Variants in NOS1AP observed in about 807,000 individuals in gnomAD.
The protein encoded by NOS1AP is carboxyl-terminal PDZ ligand of neuronal nitric oxide synthase protein.
In NOS1AP, 21 loss-of-function variants were observed where a neutral mutation model predicts 56.2. That is an observed-to-expected ratio of 0.37 (90% CI 0.26 to 0.54). The LOEUF (loss-of-function observed/expected upper bound fraction) is 0.54, where lower values mean the gene tolerates loss of function less well. Ranked by LOEUF, NOS1AP falls within the 20% of genes least tolerant of loss-of-function variation. The probability of loss-of-function intolerance (pLI) is 0.84; values close to 1 mark genes in which losing one functional copy is unlikely to be tolerated. For synonymous variants in NOS1AP, 270 were observed against 274.6 expected, an observed-to-expected ratio of 0.98 and a Z score of 0.17; for missense variants, 522 against 657.8, an observed-to-expected ratio of 0.79 and a Z score of 2.26.
chr1:162,135,766 G>A (rs1648971958), intron 1 of NOS1AP, among the ~76,000 whole-genome samples: 1 of 152,134 alleles, frequency 6.6e-6, no homozygotes, highest in African/African-American at 2.4e-5. Flanking sequence ...AACATTAAAG[G>A]CCTCCATCTA....
At chr1:162,328,717 G>A (rs1196733369) in intron 4 of NOS1AP, among the ~76,000 whole-genome samples, 1 of 152,204 alleles carries the variant, frequency 6.6e-6, no homozygotes, top group Non-Finnish European at 1.5e-5. Flanking sequence ...CAGGGCCAGT[G>A]TTCTCAGCCA....
chr1:162,344,734 C>A (rs1571233541), intron 6 of NOS1AP, among the ~76,000 whole-genome samples: 2 of 147,004 alleles, frequency 1.4e-5, no homozygotes, highest in African/African-American at 2.5e-5. Flanking sequence ...AGGAAGGAGA[C>A]AATAAATGTG....
At chr1:162,266,852 T>C (rs544401302) in intron 2 of NOS1AP, among the ~76,000 whole-genome samples, 2 of 152,334 alleles carry the variant, frequency 1.3e-5, no homozygotes, top group Admixed American at 1.3e-4. Flanking sequence ...TTCTAGTCCA[T>C]AGAAATGACT....
intron 3 of NOS1AP, among the ~76,000 whole-genome samples, chr1:162,288,910 T>TCC (rs1189365750): frequency 6.6e-6 from 1 of 152,236 alleles, no homozygotes; most frequent in Non-Finnish European, 1.5e-5. Flanking sequence ...CACATGTATG[T>TCC]ACAGAGTGGA....
At chr1:162,259,827 A>G (rs1654152269) in intron 2 of NOS1AP, among the ~76,000 whole-genome samples, 1 of 152,210 alleles carries the variant, frequency 6.6e-6, no homozygotes, top group Non-Finnish European at 1.5e-5. Context: ...CATTATAGAA[A>G]GAAATTTGGC....
At chr1:162,226,434 C>T (rs539876185) in intron 2 of NOS1AP, among the ~76,000 whole-genome samples, 20 of 152,262 alleles carry the variant, frequency 1.3e-4, no homozygotes, top group Non-Finnish European at 2.2e-4. Flanking sequence ...TATTTACTTA[C>T]GTAGTATTTA....
intron 1 of NOS1AP, among the ~76,000 whole-genome samples, chr1:162,137,762 A>G (rs1186332797): frequency 6.6e-6 from 1 of 152,046 alleles, no homozygotes; most frequent in African/African-American, 2.4e-5. Flanking sequence ...GTACACACAC[A>G]CATGTAATTG....
At position 162,368,875 on chromosome 1, in the gene NOS1AP, T is replaced by G. The variant is rs1647269221; in HGVS notation, c.*1408T>G. 1 of 152,246 alleles carries G rather than the reference T, an allele frequency of 6.6e-6. No homozygotes were observed. Among genetic ancestry groups the G allele is most frequent in the Non-Finnish European group, 1.5e-5 (1 of 68,044 alleles). 9.4% of individuals were successfully genotyped at this position (152,246 alleles called of 1,614,324 possible). On this transcript the variant is annotated 3_prime_UTR_variant, in exon 10 of 10. Transcript: ENST00000361897. ...ATTGGAGGGTCAATCGGCAAGGATA[T>G]GATTATCCCAAAATGGAGTTCATCG...
intron 2 of NOS1AP, among the ~76,000 whole-genome samples, chr1:162,179,530 G>A (rs917291650): frequency 2.6e-5 from 4 of 152,212 alleles, no homozygotes; most frequent in African/African-American, 4.8e-5. Flanking sequence ...TTGGGAAGAC[G>A]GACCTGGAAA....
chr1:162,238,975 A>C (rs1375374452), intron 2 of NOS1AP, among the ~76,000 whole-genome samples: 1 of 152,216 alleles, frequency 6.6e-6, no homozygotes, highest in African/African-American at 2.4e-5. Flanking sequence ...TTGGTAAGTT[A>C]ATCTGTAGAC....
chr1:162,085,246 A>G (rs1255299004), intron 1 of NOS1AP, among the ~76,000 whole-genome samples: 1 of 151,938 alleles, frequency 6.6e-6, no homozygotes, highest in Non-Finnish European at 1.5e-5. Context: ...CATCTTTCAG[A>G]TTCTTCTCCT....
intron 1 of NOS1AP, among the ~76,000 whole-genome samples, chr1:162,087,533 C>G (rs1692029906): frequency 6.6e-6 from 1 of 152,132 alleles, no homozygotes. Context: ...TGGACTTGAA[C>G]TAGTCAACTT....
At chr1:162,125,511 G>T (rs1230257313) in intron 1 of NOS1AP, among the ~76,000 whole-genome samples, 1 of 152,062 alleles carries the variant, frequency 6.6e-6, no homozygotes, top group African/African-American at 2.4e-5. Context: ...AGTTTTCTCA[G>T]CATCATTTGT....
At chr1:162,209,632 T>C (rs1652281070) in intron 2 of NOS1AP, among the ~76,000 whole-genome samples, 1 of 152,190 alleles carries the variant, frequency 6.6e-6, no homozygotes, top group Admixed American at 6.5e-5. Flanking sequence ...AACATTATTC[T>C]AAAGAACACT....
chr1:162,339,566 G>A (rs1314485897), intron 5 of NOS1AP, among the ~76,000 whole-genome samples: 1 of 152,166 alleles, frequency 6.6e-6, no homozygotes, highest in Non-Finnish European at 1.5e-5. Flanking sequence ...TGAGGTGGGA[G>A]CAACTGCTTC....
intron 1 of NOS1AP, among the ~76,000 whole-genome samples, chr1:162,077,000 T>C (rs950087122): frequency 6.6e-6 from 1 of 152,214 alleles, no homozygotes; most frequent in East Asian, 1.9e-4. Flanking sequence ...CTGAGGCACA[T>C]TTAGGTTGTT....
chr1:162,073,955 G>T (rs1352261773), intron 1 of NOS1AP, among the ~76,000 whole-genome samples: 1 of 152,174 alleles, frequency 6.6e-6, no homozygotes, highest in Non-Finnish European at 1.5e-5. Flanking sequence ...CTTCCTGGTG[G>T]CCAGTGCCAT....
At chr1:162,337,966 GT>G (rs752892724) in intron 5 of NOS1AP, among the ~76,000 whole-genome samples, 1 of 152,128 alleles carries the variant, frequency 6.6e-6, no homozygotes, top group Non-Finnish European at 1.5e-5. Context: ...CTTTGGCATT[GT>G]AAATTCCATA....
intron 1 of NOS1AP, among the ~76,000 whole-genome samples, chr1:162,086,702 C>T (rs866437540): frequency 2.6e-4 from 40 of 152,232 alleles, no homozygotes; most frequent in African/African-American, 8.2e-4. Context: ...CCTGACCAGC[C>T]GAACTGTCAT....
Sources: gnomAD v4.1 joint callset for allele counts (sites outside exome capture counted in the v4.1 genomes callset) on GRCh38, gnomAD v4.1.1 for gene constraint, MANE v1.5 for transcripts, NCBI Gene and HGNC (gene_info 2026-07-23, HGNC 2026-07-21) for gene names.